The following CFAP61 variants were observed in gnomAD, a reference collection of about 807,000 sequenced individuals.
CFAP61 encodes cilia- and flagella-associated protein 61.
A neutral mutation model predicts 135.6 loss-of-function variants in CFAP61; 107 were observed. The observed-to-expected ratio is 0.79, with a 90% CI of 0.67 to 0.93. The LOEUF (loss-of-function observed/expected upper bound fraction) is 0.93, where lower values mean the gene tolerates loss of function less well. CFAP61 is among the 40% of genes least tolerant of loss of function. CFAP61 has a pLI of 0.00. For missense variants in CFAP61, 1,507 were observed against 1,556.2 expected (o/e 0.97, Z 0.53); for synonymous variants, 575 against 578.5 (o/e 0.99, Z 0.09).
intron 8 of CFAP61, among the ~76,000 whole-genome samples, chr20:20,137,279 G>C (rs1168092479): frequency 1.3e-5 from 2 of 152,128 alleles, no homozygotes; most frequent in Non-Finnish European, 2.9e-5. Flanking sequence ...AAGGCCCTAG[G>C]GCTCTGCAAT....
chr20:20,330,337 T>G (rs749546611), intron 25 of CFAP61, among the ~76,000 whole-genome samples: 1 of 152,046 alleles, frequency 6.6e-6, no homozygotes, highest in African/African-American at 2.4e-5. Flanking sequence ...AGCCGTTTTT[T>G]GTTTGTTTGT....
intron 2 of CFAP61, among the ~76,000 whole-genome samples, chr20:20,066,154 G>A (rs1042704426): frequency 1.3e-5 from 2 of 152,122 alleles, no homozygotes; most frequent in Non-Finnish European, 2.9e-5. Flanking sequence ...TCAGAATGGC[G>A]ATCATTAAAA....
chr20:20,259,800 A>G (rs1294875558), intron 20 of CFAP61: 1 of 152,166 alleles, frequency 6.6e-6, no homozygotes, highest in Non-Finnish European at 1.5e-5. Context: ...TCTGTTACTA[A>G]GAAAGGAAGG....
chr20:20,104,468 T>G (rs1229799651), intron 8 of CFAP61, among the ~76,000 whole-genome samples: 1 of 152,214 alleles, frequency 6.6e-6, no homozygotes, highest in Non-Finnish European at 1.5e-5. Context: ...CCAGGTCTTT[T>G]CGCCTCTCTT....
At chr20:20,093,263 C>CT (rs2047333300) in intron 7 of CFAP61, among the ~76,000 whole-genome samples, 1 of 152,052 alleles carries the variant, frequency 6.6e-6, no homozygotes, top group African/African-American at 2.4e-5. Context: ...AGAATAGACA[C>CT]TTCTGTAGAG....
intron 18 of CFAP61, among the ~76,000 whole-genome samples, chr20:20,231,038 C>T (rs1448584345): frequency 6.6e-6 from 1 of 152,160 alleles, no homozygotes; most frequent in South Asian, 2.1e-4. Flanking sequence ...TTATAAAACA[C>T]ATTTGGTCTC....
chr20:20,278,161 G>C (rs1007135340), intron 22 of CFAP61, among the ~76,000 whole-genome samples: 1 of 152,190 alleles, frequency 6.6e-6, no homozygotes, highest in Admixed American at 6.5e-5. Context: ...AACTCATCAG[G>C]ACAGCTCTGT....
intron 26 of CFAP61, among the ~76,000 whole-genome samples, chr20:20,347,932 C>CAAAA (rs139136148): frequency 1.5e-4 from 11 of 75,158 alleles, no homozygotes; most frequent in South Asian, 4.6e-4. Context: ...GACGCCATCT[C>CAAAA]AAAAAAAAAA....
At chr20:20,085,246 C>G (rs1202207025) in intron 6 of CFAP61, 1 of 985,326 alleles carries the variant, frequency 1.0e-6, no homozygotes, top group Non-Finnish European at 1.2e-6. Flanking sequence ...TGCCTCAGAA[C>G]AGTCACGTTG....
At chr20:20,066,539 A>T (rs1289919225) in intron 2 of CFAP61, among the ~76,000 whole-genome samples, 1 of 152,200 alleles carries the variant, frequency 6.6e-6, no homozygotes, top group Non-Finnish European at 1.5e-5. Context: ...GACATGGATG[A>T]CGCTGGAAAC....
At chr20:20,360,064 A>G (rs559231537) in intron 26 of CFAP61, 146 bp from the exon 27 acceptor site, 3 of 688,528 alleles carry the variant, frequency 4.4e-6, no homozygotes, top group Admixed American at 4.7e-5. Context: ...ACTTTGCCAC[A>G]ATTAAAAATA....
chr20:20,164,035 G>A lies in CFAP61; in HGVS notation c.1027-15G>A. On this transcript the variant is annotated splice_polypyrimidine_tract_variant and intron_variant, in intron 10 of 26. Coordinates refer to ENST00000245957, the MANE Select transcript of CFAP61 (RefSeq NM_015585.4). ...GACAGGATTCTCATTGGCTCCTCCT[G>A]TCTCCTTGCTCTAGGACATAGAAAA... is the stretch of plus-strand genomic sequence containing the variant. 6.3e-7 allele frequency: 1 copy of A among 1,586,740 alleles called. No homozygotes were observed. Among genetic ancestry groups the A allele is most frequent in the Non-Finnish European group, 8.6e-7 (1 of 1,164,444 alleles).
At chr20:20,341,972 C>A in intron 26 of CFAP61, 51 bp downstream of exon 26, 2 of 1,274,928 alleles carry the variant, frequency 1.6e-6, no homozygotes, top group Non-Finnish European at 2.3e-6. Flanking sequence ...TTATAAGCAG[C>A]TGATAGCTGT....
intron 25 of CFAP61, among the ~76,000 whole-genome samples, chr20:20,320,149 T>C (rs1156689638): frequency 6.6e-6 from 1 of 151,028 alleles, no homozygotes; most frequent in Non-Finnish European, 1.5e-5. Flanking sequence ...GGCCTATGAA[T>C]TAGCATAGTT....
chr20:20,219,343 G>C (rs6075633), intron 17 of CFAP61, among the ~76,000 whole-genome samples: 16,914 of 152,130 alleles, frequency 0.11, 1,272 homozygotes, highest in Middle Eastern at 0.21. Flanking sequence ...TTTTTTTCCA[G>C]AGTTGCTTTT....
intron 17 of CFAP61, among the ~76,000 whole-genome samples, chr20:20,208,019 T>A (rs13339937): frequency 6.6e-6 from 1 of 152,246 alleles, no homozygotes; most frequent in African/African-American, 2.4e-5. Context: ...CAAGCCCCGC[T>A]GCTCAGTGAG....
At chr20:20,287,468 T>C (rs540617262) in intron 22 of CFAP61, among the ~76,000 whole-genome samples, 20 of 152,374 alleles carry the variant, frequency 1.3e-4, no homozygotes, top group South Asian at 8.3e-4. Context: ...TTTTTCATTG[T>C]ATTTAATTTA....
At chr20:20,061,705 G>A (rs968727176) in intron 2 of CFAP61, among the ~76,000 whole-genome samples, 2 of 152,134 alleles carry the variant, frequency 1.3e-5, no homozygotes, top group African/African-American at 4.8e-5. Context: ...AGACTCTCCC[G>A]CCTCCCTGTG....
Position 20,102,389 on chromosome 20 carries a change from C to G in CFAP61, c.859+3575C>G, listed in dbSNP as rs1007986977. Among the ~76,000 whole-genome samples the G allele has an allele frequency of 3.9e-5, 6 of 152,306 alleles. No individual in the cohort carries two copies. In the East Asian group the frequency reaches 1.2e-3, roughly 29 times the overall value. On this transcript the variant is annotated intron_variant, in intron 8 of 26. Transcript: ENST00000245957. ...CCCTCACTCCTCAGGTGGGAGGACTCAGATATGTGAGTATTGGCTGGTTTC... is the reference window on the plus strand; with the variant it reads ...CCCTCACTCCTCAGGTGGGAGGACTGAGATATGTGAGTATTGGCTGGTTTC...
Sources: allele counts gnomAD v4.1 joint callset (sites outside exome capture counted in the v4.1 genomes callset), GRCh38; gene constraint gnomAD v4.1.1; transcripts MANE v1.5; gene names NCBI Gene and HGNC (gene_info 2026-07-23, HGNC 2026-07-21).